Variants in NUP98 observed in about 807,000 individuals in gnomAD.
NUP98 encodes the protein nucleoporin 98 and 96 precursor.
NUP98 carries 26 observed loss-of-function variants against 191.9 expected under a neutral mutation model. The observed-to-expected ratio is 0.14, with a 90% CI of 0.10 to 0.19. The LOEUF is 0.19. NUP98 is among the 10% of genes least tolerant of loss of function. The pLI, the probability that NUP98 is intolerant of heterozygous loss-of-function variation, is 1.00. For missense variants in NUP98, 1,941 were observed against 2,178.8 expected (o/e 0.89, Z 2.17); for synonymous variants, 808 against 778.4 (o/e 1.04, Z -0.63).
At chr11:3,694,285 C>A (rs1322933475) in intron 26 of NUP98, among the ~76,000 whole-genome samples, 1 of 150,368 alleles carries the variant, frequency 6.7e-6, no homozygotes, top group African/African-American at 2.4e-5. Flanking sequence ...GCAGGAGAAT[C>A]GCCTGATCCT....
chr11:3,713,352 G>A (rs1409271037), intron 19 of NUP98, among the ~76,000 whole-genome samples: 1 of 152,196 alleles, frequency 6.6e-6, no homozygotes, highest in African/African-American at 2.4e-5. Flanking sequence ...CATTACTGCT[G>A]AATTTTAACT....
At chr11:3,733,459 G>A (rs868037679) in intron 13 of NUP98, among the ~76,000 whole-genome samples, 2 of 152,018 alleles carry the variant, frequency 1.3e-5, no homozygotes, top group Non-Finnish European at 2.9e-5. Context: ...TTATGGGCAC[G>A]CACCACCATG....
In NUP98 at chr11:3,775,629, C is replaced by T. The variant is rs142657138; in HGVS notation, c.495+253G>A. ...CACAGTAAATTCAAATTCTACCTTA[C>T]ACCAGATTATAATAAAGTTTTATGA... On this transcript the variant is annotated intron_variant, in intron 5 of 32. Transcript: ENST00000324932. Among the ~76,000 whole-genome samples, 5 of 151,942 alleles carry T rather than the reference C, an allele frequency of 3.3e-5. No individual in the cohort carries two copies. The East Asian group carries it at 9.7e-4, about 29-fold the overall frequency.
At chr11:3,716,476 C>A (rs2079187466) in intron 18 of NUP98, among the ~76,000 whole-genome samples, 1 of 152,046 alleles carries the variant, frequency 6.6e-6, no homozygotes, top group Non-Finnish European at 1.5e-5. Flanking sequence ...GAGGCCAAGG[C>A]AGGCCAAACA....
intron 6 of NUP98, among the ~76,000 whole-genome samples, chr11:3,772,477 G>A (rs2081560932): frequency 6.6e-6 from 1 of 152,068 alleles, no homozygotes; most frequent in Admixed American, 6.6e-5. Context: ...CTAACTTCAT[G>A]CAACAACATG....
Position 3,693,220 on chromosome 11 carries a change from G to A in NUP98, c.4311+12C>T. 6.2e-7 allele frequency: 1 copy of A among 1,613,344 alleles called. No individual in the cohort carries two copies. On this transcript the variant is annotated intron_variant, in intron 27 of 32. Coordinates refer to ENST00000324932, the MANE Select transcript of NUP98 (RefSeq NM_016320.5). ...AGCAAGATTTTTGCTTGGCTCTATT[G>A]GCCACATATACCTGAAATGCTTCTT...
chr11:3,756,764 C>T (rs922077819), intron 10 of NUP98, among the ~76,000 whole-genome samples: 2 of 151,976 alleles, frequency 1.3e-5, no homozygotes, highest in East Asian at 3.9e-4. Context: ...TCTTAATATA[C>T]ATCACATATA....
At chr11:3,796,266 A>G (rs988547028) in intron 1 of NUP98, among the ~76,000 whole-genome samples, 1 of 152,242 alleles carries the variant, frequency 6.6e-6, no homozygotes, top group Non-Finnish European at 1.5e-5. Flanking sequence ...GTTCCGAGGT[A>G]CAACTACTAC....
chr11:3,737,711 T>C lies in NUP98; in HGVS notation c.1409-2387A>G, dbSNP rs557073773. Among the ~76,000 whole-genome samples the C allele has an allele frequency of 2.0e-5, 3 of 152,290 alleles. No homozygotes were observed. The East Asian group carries it at 5.8e-4, about 29-fold the overall frequency. On this transcript the variant is annotated intron_variant, in intron 12 of 32. Transcript: ENST00000324932. ...AGAGTCAAAGGTTTCTTAAAATCGA[T>C]GTATTCAATAAATACTAAAACACCG...
intron 1 of NUP98, among the ~76,000 whole-genome samples, chr11:3,788,336 C>T (rs959385348): frequency 6.6e-6 from 1 of 152,198 alleles, no homozygotes; most frequent in African/African-American, 2.4e-5. Context: ...GGCGCGGTGG[C>T]TCACACCTGC....
chr11:3,713,490 G>A (rs1484245860), intron 19 of NUP98, among the ~76,000 whole-genome samples: 1 of 152,152 alleles, frequency 6.6e-6, no homozygotes, highest in East Asian at 1.9e-4. Context: ...AGGCCAAGGA[G>A]GGAAGACTGC....
In NUP98 at chr11:3,683,320, G is replaced by C; in HGVS notation, c.4798C>G (p.His1600Asp). The part of the protein sequence containing the change: ...QKLRVPAKWI[H>D]EAKAVRAHME... The stretch of plus-strand genomic sequence containing the variant: ...TGTGCTCGCACAGCTTTGGCCTCGT[G>C]GATCCATTTGGCAGGTACACGGAGC... The change falls in exon 30 of 33, where the codon CAC becomes GAC. Residue 1600 changes from histidine (H) to aspartate (D), a missense_variant. Coordinates refer to ENST00000324932, the MANE Select transcript of NUP98 (RefSeq NM_016320.5). The C allele has an allele frequency of 6.2e-7, 1 of 1,614,150 alleles. No individual in the cohort carries two copies. The highest frequency in any genetic ancestry group is 8.5e-7 in the Non-Finnish European group (1 of 1,180,034).
chr11:3,731,538 G>A lies in NUP98; in HGVS notation c.1583C>T (p.Thr528Ile). 1.3e-6 allele frequency: 2 copies of A among 1,598,668 alleles called. No individual in the cohort carries two copies. Among genetic ancestry groups the A allele is most frequent in the Non-Finnish European group, 1.7e-6 (2 of 1,172,240 alleles). The change falls in exon 14 of 33, where the codon ACT becomes ATT. Residue 528 changes from threonine (T) to isoleucine (I), a missense_variant. By Grantham distance (89) the Thr-to-Ile change is moderately conservative. Transcript: ENST00000324932. ...PTNPAAQKAL[T>I]TPTHYKLTPR... is the part of the protein sequence containing the mutation. ...TGTCAGTTTATAATGAGTAGGTGTA[G>A]TAAGAGCCTTCTGGGCTGCTGGATT... is the stretch of plus-strand genomic sequence containing the variant.
At chr11:3,709,805 G>C (rs1212772039) in intron 20 of NUP98, among the ~76,000 whole-genome samples, 1 of 91,292 alleles carries the variant, frequency 1.1e-5, no homozygotes, top group African/African-American at 4.3e-5. Context: ...GTACACTCTG[G>C]GGACTGTTGT....
At chr11:3,764,948 T>C (rs2081289744) in intron 8 of NUP98, among the ~76,000 whole-genome samples, 1 of 152,218 alleles carries the variant, frequency 6.6e-6, no homozygotes, top group Non-Finnish European at 1.5e-5. Flanking sequence ...TTCATTTGCC[T>C]TTCCCTGATG....
chr11:3,779,712 A>G (rs1383449436), intron 2 of NUP98, among the ~76,000 whole-genome samples: 1 of 152,174 alleles, frequency 6.6e-6, no homozygotes, highest in African/African-American at 2.4e-5. Flanking sequence ...ATCCCATCAG[A>G]GTATGAATTA....
Position 3,695,581 on chromosome 11 carries a change from T to G in NUP98, c.4035A>C (p.Leu1345Phe), listed in dbSNP as rs375496765. Reference sequence around the variant, plus strand: ...CTGACTGGCTACCCACAAACTGAGATAAAAGAAGAGCAAGACGATGATCCC... The same window carrying G: ...CTGACTGGCTACCCACAAACTGAGAGAAAAGAAGAGCAAGACGATGATCCC... ...QSGDHRLALL[L>F]SQFVGSQSVR... The change falls in exon 26 of 33, where the codon TTA becomes TTC. Residue 1345 changes from leucine to phenylalanine, a missense_variant. Coordinates refer to ENST00000324932, the MANE Select transcript of NUP98 (RefSeq NM_016320.5). The G allele has an allele frequency of 6.3e-7, 1 of 1,596,342 alleles. No individual in the cohort carries two copies. The highest frequency in any genetic ancestry group is 8.5e-7 in the Non-Finnish European group (1 of 1,172,490).
At chr11:3,690,551 C>T (rs1409048843) in intron 28 of NUP98, among the ~76,000 whole-genome samples, 8 of 152,208 alleles carry the variant, frequency 5.3e-5, no homozygotes, top group Non-Finnish European at 1.2e-4. Context: ...TGAGCCACCG[C>T]ACCCGGCCGC....
intron 12 of NUP98, among the ~76,000 whole-genome samples, chr11:3,738,087 C>CAAAAAAAAAA (rs61502115): frequency 8.6e-4 from 60 of 69,734 alleles, no homozygotes; most frequent in African/African-American, 2.6e-3. Context: ...TGGGCGTTCT[C>CAAAAAAAAAA]AAAAAAAAAA....
Sources: gnomAD v4.1 joint callset for allele counts (sites outside exome capture counted in the v4.1 genomes callset) on GRCh38, gnomAD v4.1.1 for gene constraint, MANE v1.5 for transcripts, NCBI Gene and HGNC (gene_info 2026-07-23, HGNC 2026-07-21) for gene names.